Variants in PTPRR observed in about 807,000 individuals in gnomAD.
PTPRR encodes receptor-type tyrosine-protein phosphatase R.
Under a neutral mutation model 77.2 loss-of-function variants are expected in PTPRR, and 38 were observed. That is an observed-to-expected ratio of 0.49 (90% CI 0.38 to 0.65). The LOEUF is 0.65. Among genes scored for constraint, PTPRR ranks in the 30% least tolerant of loss-of-function variants. The pLI, the probability that PTPRR is intolerant of heterozygous loss-of-function variation, is 0.00. For synonymous variants in PTPRR, 299 were observed against 283.1 expected (o/e 1.06, Z -0.57); for missense variants, 744 against 799.2 (o/e 0.93, Z 0.83).
chr12:70,796,984 C>A (rs1891526799), intron 2 of PTPRR, among the ~76,000 whole-genome samples: 1 of 152,186 alleles, frequency 6.6e-6, no homozygotes, highest in African/African-American at 2.4e-5. Context: ...CACCACTGTA[C>A]TCCAGCCTGG....
chr12:70,737,172 C>G (rs988070546), intron 6 of PTPRR, among the ~76,000 whole-genome samples: 2 of 152,162 alleles, frequency 1.3e-5, no homozygotes, highest in Non-Finnish European at 2.9e-5. Flanking sequence ...GCTCAGCCCC[C>G]TCACCTCAAG....
intron 5 of PTPRR, among the ~76,000 whole-genome samples, chr12:70,747,996 G>A (rs914613342): frequency 2.6e-5 from 4 of 152,084 alleles, no homozygotes; most frequent in Non-Finnish European, 5.9e-5. Flanking sequence ...CATATTTTCA[G>A]GGTGTGGGGG....
chr12:70,907,510 T>C (rs1041719920), intron 1 of PTPRR, among the ~76,000 whole-genome samples: 1 of 152,160 alleles, frequency 6.6e-6, no homozygotes, highest in African/African-American at 2.4e-5. Flanking sequence ...TCAGGAAAAA[T>C]CCATTGTCTG....
At chr12:70,779,563 C>T (rs943937964) in intron 2 of PTPRR, among the ~76,000 whole-genome samples, 5 of 152,200 alleles carry the variant, frequency 3.3e-5, no homozygotes, top group African/African-American at 1.2e-4. Flanking sequence ...CACTATCTGA[C>T]AGTTTCTTGT....
chr12:70,708,993 A>T (rs888543403), intron 6 of PTPRR, among the ~76,000 whole-genome samples: 4 of 152,056 alleles, frequency 2.6e-5, no homozygotes, highest in Non-Finnish European at 5.9e-5. Context: ...TATTGTCCTG[A>T]TACCAAAACC....
intron 2 of PTPRR, among the ~76,000 whole-genome samples, chr12:70,772,583 T>C (rs1036127464): frequency 7.9e-5 from 12 of 152,210 alleles, no homozygotes; most frequent in African/African-American, 2.9e-4. Context: ...CCAGTCAAGA[T>C]GATGGGCCCA....
chr12:70,742,371 C>A (rs1447528446), intron 6 of PTPRR, among the ~76,000 whole-genome samples: 1 of 152,078 alleles, frequency 6.6e-6, no homozygotes, highest in Non-Finnish European at 1.5e-5. Context: ...TTCATGCCCA[C>A]TATATTGGTG....
In PTPRR at chr12:70,761,553, G is replaced by C; in HGVS notation, c.545C>G (p.Ser182Cys). Residue 182 changes from serine (S) to cysteine (C), a missense_variant, in exon 4 of 14, where the codon TCT becomes TGT. Physicochemically the swap from Ser to Cys is moderately radical, Grantham distance 112. This residue lies in a region of PTPRR where 570 missense variants were observed against 573.2 expected (regional missense o/e 0.99). Coordinates refer to ENST00000283228, the MANE Select transcript of PTPRR (RefSeq NM_002849.4). ...ATTAAGTGAACGAAGAACTTCCTCA[G>C]AGGGCAGAGCATCAGAAATTCCTGT... ...RKTGISDALP[S>C]EEVLRSLNIN... The C allele has an allele frequency of 6.2e-7, 1 of 1,612,574 alleles. No homozygotes were observed. Among genetic ancestry groups the C allele is most frequent in the Non-Finnish European group, 8.5e-7 (1 of 1,179,072 alleles).
intron 2 of PTPRR, among the ~76,000 whole-genome samples, chr12:70,828,492 A>C (rs190371485): frequency 6.6e-6 from 1 of 152,302 alleles, no homozygotes; most frequent in Non-Finnish European, 1.5e-5. Context: ...AATTAGATGC[A>C]TTTTGGCTTC....
chr12:70,710,115 C>T (rs1888770072), intron 6 of PTPRR, among the ~76,000 whole-genome samples: 1 of 152,048 alleles, frequency 6.6e-6, no homozygotes, highest in Non-Finnish European at 1.5e-5. Context: ...GCAAAAAGAA[C>T]AAAGCTGGAG....
chr12:70,909,068 T>G (rs998766075), intron 1 of PTPRR, among the ~76,000 whole-genome samples: 1 of 152,020 alleles, frequency 6.6e-6, no homozygotes, highest in Admixed American at 6.6e-5. Context: ...CTTCAAGACA[T>G]GAAGGGCTGG....
intron 2 of PTPRR, among the ~76,000 whole-genome samples, chr12:70,863,680 T>C (rs1026865568): frequency 2.0e-5 from 3 of 151,794 alleles, no homozygotes; most frequent in African/African-American, 7.3e-5. Flanking sequence ...CAATTATCTA[T>C]TGTTTCATCT....
At chr12:70,747,437 C>G (rs891470028) in intron 5 of PTPRR, among the ~76,000 whole-genome samples, 1 of 152,144 alleles carries the variant, frequency 6.6e-6, no homozygotes, top group East Asian at 1.9e-4. Flanking sequence ...CTCTTCACAT[C>G]TAAATATAAT....
chr12:70,873,705 T>C (rs1469822415), intron 2 of PTPRR, among the ~76,000 whole-genome samples: 1 of 152,020 alleles, frequency 6.6e-6, no homozygotes, highest in Non-Finnish European at 1.5e-5. Flanking sequence ...ATCTTTATTA[T>C]CTTTTCCTGA....
chr12:70,788,527 A>G (rs1160223778), intron 2 of PTPRR, among the ~76,000 whole-genome samples: 1 of 152,212 alleles, frequency 6.6e-6, no homozygotes, highest in East Asian at 1.9e-4. Context: ...TGTTCAAGTG[A>G]ACATATTTAT....
At chr12:70,917,829 C>T (rs755919680) in intron 1 of PTPRR, among the ~76,000 whole-genome samples, 1 of 152,118 alleles carries the variant, frequency 6.6e-6, no homozygotes, top group Admixed American at 6.5e-5. Context: ...ACTTACATCC[C>T]GTTAGCACAT....
At chr12:70,805,526 T>C (rs1891694866) in intron 2 of PTPRR, among the ~76,000 whole-genome samples, 1 of 152,100 alleles carries the variant, frequency 6.6e-6, no homozygotes, top group African/African-American at 2.4e-5. Flanking sequence ...GTTCCTTTTT[T>C]ACTTTTTAAA....
chr12:70,828,379 A>G (rs1292980583), intron 2 of PTPRR, among the ~76,000 whole-genome samples: 2 of 152,212 alleles, frequency 1.3e-5, no homozygotes, highest in Admixed American at 6.5e-5. Context: ...TTCAGTCCAC[A>G]TATAGTTATA....
chr12:70,762,311 A>G (rs1890710848), intron 3 of PTPRR, among the ~76,000 whole-genome samples: 1 of 152,084 alleles, frequency 6.6e-6, no homozygotes, highest in African/African-American at 2.4e-5. Flanking sequence ...ACACACACAC[A>G]CAGAGAGCAG....
Sources: gnomAD v4.1 joint callset for allele counts (sites outside exome capture counted in the v4.1 genomes callset) on GRCh38, gnomAD v4.1.1 for gene constraint, gnomAD v4.1.1 regional missense constraint, MANE v1.5 for transcripts, NCBI Gene and HGNC (gene_info 2026-07-23, HGNC 2026-07-21) for gene names.